Variants in A2ML1 observed in about 807,000 individuals in gnomAD.
A2ML1 encodes the protein alpha-2-macroglobulin like 1.
A2ML1 carries 161 observed loss-of-function variants against 181.9 expected under a neutral mutation model. That is an observed-to-expected ratio of 0.89 (90% CI 0.78 to 1.01). The LOEUF (loss-of-function observed/expected upper bound fraction) is 1.01. Ranked by LOEUF, A2ML1 falls within the 50% of genes least tolerant of loss-of-function variation. The pLI, the probability that A2ML1 is intolerant of heterozygous loss-of-function variation, is 0.00. For synonymous variants in A2ML1, 663 were observed against 666.8 expected, an observed-to-expected ratio of 0.99 and a Z score of 0.09; for missense variants, 1,670 against 1,768.1, an observed-to-expected ratio of 0.94 and a Z score of 1.00.
chr12:8,836,629 G>A (rs1020821757), intron 7 of A2ML1, among the ~76,000 whole-genome samples: 3 of 151,636 alleles, frequency 2.0e-5, no homozygotes, highest in Non-Finnish European at 4.4e-5. Flanking sequence ...GATCACAGGC[G>A]CGCGCCACCA....
intron 33 of A2ML1, among the ~76,000 whole-genome samples, chr12:8,872,309 G>A (rs1185749685): frequency 6.6e-6 from 1 of 151,910 alleles, no homozygotes; most frequent in Non-Finnish European, 1.5e-5. Flanking sequence ...TTGTTTCAGT[G>A]TCCCTTTATA....
At chr12:8,831,819 G>A (rs982917051) in intron 4 of A2ML1, among the ~76,000 whole-genome samples, 7 of 151,774 alleles carry the variant, frequency 4.6e-5, no homozygotes, top group South Asian at 2.1e-4. Flanking sequence ...GCGCGATCTC[G>A]GCTCGCCGCA....
intron 21 of A2ML1, among the ~76,000 whole-genome samples, chr12:8,854,553 T>A (rs187767201): frequency 6.6e-6 from 1 of 152,212 alleles, no homozygotes; most frequent in Non-Finnish European, 1.5e-5. Flanking sequence ...TCTTAGAAGT[T>A]GCCTAAATGT....
Position 8,841,385 on chromosome 12 carries a change from A to C in A2ML1, c.1097A>C (p.His366Pro). The C allele has an allele frequency of 1.2e-6, 2 of 1,614,160 alleles. No homozygotes were observed. The highest frequency in any genetic ancestry group is 1.7e-6 in the Non-Finnish European group (2 of 1,180,024). Reference protein sequence around the residue: ...PFSGKIRVRGHDDSFLKNHLV... With the variant: ...PFSGKIRVRGPDDSFLKNHLV... Reference sequence around the variant, plus strand: ...GTCCTTCAGATAAGAGTTAGGGGCCATGATGACTCCTTCCTCAAGAACCAT... The same window carrying C: ...GTCCTTCAGATAAGAGTTAGGGGCCCTGATGACTCCTTCCTCAAGAACCAT... Residue 366 changes from histidine (H) to proline (P), a missense_variant, in exon 11 of 36, where the codon CAT (histidine) becomes CCT (proline). Physicochemically the swap from His to Pro is moderately conservative, Grantham distance 77 (BLOSUM62 -2). Coordinates refer to ENST00000299698, the MANE Select transcript of A2ML1 (RefSeq NM_144670.6).
At chr12:8,840,377 A>G (rs749209112) in intron 10 of A2ML1, among the ~76,000 whole-genome samples, 5 of 151,984 alleles carry the variant, frequency 3.3e-5, no homozygotes, top group Admixed American at 1.3e-4. Flanking sequence ...AAAAAAAGAT[A>G]AATACATAAT....
intron 3 of A2ML1, among the ~76,000 whole-genome samples, chr12:8,828,015 C>T (rs1942985960): frequency 6.6e-6 from 1 of 152,208 alleles, no homozygotes; most frequent in Non-Finnish European, 1.5e-5. Flanking sequence ...ACAAGCACCC[C>T]TGTGGCCACC....
At chr12:8,827,951 C>T (rs1298954352) in intron 3 of A2ML1, among the ~76,000 whole-genome samples, 1 of 152,182 alleles carries the variant, frequency 6.6e-6, no homozygotes, top group Non-Finnish European at 1.5e-5. Flanking sequence ...TTACTTTCTC[C>T]AAAACAAACA....
chr12:8,862,011 C>T lies in A2ML1; in HGVS notation c.3502+714C>T, dbSNP rs7297803. On this transcript the variant is annotated intron_variant, in intron 28 of 35. Transcript: ENST00000299698. The stretch of plus-strand genomic sequence containing the variant: ...TTGACCTCAGGTGATCCACCTGCCT[C>T]GGCCTCCCAAAGTGCTGGGATTACA... Among the ~76,000 whole-genome samples, 27,110 of 151,970 alleles carry T rather than the reference C, an allele frequency of 0.18. 2,481 individuals are homozygous for T. Among genetic ancestry groups the T allele is most frequent in the African/African-American group, 0.22 (9,003 of 41,424 alleles).
intron 3 of A2ML1, among the ~76,000 whole-genome samples, chr12:8,825,557 T>C (rs765557810): frequency 1.1e-4 from 17 of 152,290 alleles, no homozygotes; most frequent in African/African-American, 3.6e-4. Context: ...TGTCTCTTTG[T>C]TGATTGTTTC....
At chr12:8,837,347 T>C in intron 7 of A2ML1, 93 bp from the exon 8 acceptor site, 1 of 1,520,584 alleles carries the variant, frequency 6.6e-7, no homozygotes, top group Non-Finnish European at 9.0e-7. Flanking sequence ...TTTCAGAGGC[T>C]GGAGTGTGAG....
intron 3 of A2ML1, among the ~76,000 whole-genome samples, chr12:8,827,991 G>C (rs1271704456): frequency 6.6e-6 from 1 of 152,158 alleles, no homozygotes; most frequent in Admixed American, 6.5e-5. Flanking sequence ...GAGCTGCCTG[G>C]AGAGAGGGGT....
At chr12:8,849,544 C>A in intron 16 of A2ML1, 125 bp from the exon 17 acceptor site, 1 of 782,410 alleles carries the variant, frequency 1.3e-6, no homozygotes, top group Non-Finnish European at 2.1e-6. Context: ...GTAAGAACAC[C>A]CAGGTTCACC....
downstream of A2ML1, among the ~76,000 whole-genome samples, chr12:8,877,603 C>T (rs1222796872): frequency 6.6e-6 from 1 of 152,144 alleles, no homozygotes; most frequent in Admixed American, 6.5e-5. Flanking sequence ...CATCACTAAT[C>T]ATCAGAGAAA....
At position 8,837,435 on chromosome 12, in the gene A2ML1, G is replaced by A. The variant is rs1259899609; in HGVS notation, c.729-5G>A. 2.5e-6 allele frequency: 4 copies of A among 1,613,626 alleles called. No individual in the cohort carries two copies. The highest frequency in any genetic ancestry group is 1.7e-5 in the Admixed American group (1 of 60,002). On this transcript the variant is annotated splice_region_variant and splice_polypyrimidine_tract_variant and intron_variant, in intron 7 of 35. Transcript: ENST00000299698. ...ACTCTGACTCCTTATGCTTTTCTTG[G>A]TTAGGTACACCTATGGAAAGCCCAT... is the stretch of plus-strand genomic sequence containing the variant.
At chr12:8,881,180 G>A (rs1046271615), downstream of A2ML1, among the ~76,000 whole-genome samples, 3 of 152,152 alleles carry the variant, frequency 2.0e-5, no homozygotes, top group Non-Finnish European at 4.4e-5. Context: ...TACGGGGCCT[G>A]CAAATGAAAC....
exon 8 of A2ML1, chr12:8,886,647 T>C (rs934589945): frequency 6.6e-6 from 1 of 152,200 alleles, no homozygotes; most frequent in Non-Finnish European, 1.5e-5. Context: ...TGTTAACAAC[T>C]GATAGCTACC....
chr12:8,858,315 G>T, intron 26 of A2ML1: 1 of 510,896 alleles, frequency 2.0e-6, no homozygotes, highest in East Asian at 3.3e-5. Flanking sequence ...GGGTGCAGTG[G>T]CTCATGCCTG....
At chr12:8,827,966 TTCTC>T (rs1942984157) in intron 3 of A2ML1, among the ~76,000 whole-genome samples, 2 of 152,292 alleles carry the variant, frequency 1.3e-5, no homozygotes, top group South Asian at 4.1e-4. Flanking sequence ...CAAACAGAGT[TTCTC>T]TCTTTGTGCT....
intron 31 of A2ML1, 70 bp downstream of exon 31, chr12:8,868,427 T>C: frequency 4.4e-6 from 7 of 1,587,290 alleles, no homozygotes; most frequent in Non-Finnish European, 3.4e-6. Flanking sequence ...GACACTTGTG[T>C]GTGTGTGTGT....
Sources: allele counts gnomAD v4.1 joint callset (sites outside exome capture counted in the v4.1 genomes callset), GRCh38; gene constraint gnomAD v4.1.1; transcripts MANE v1.5; gene names NCBI Gene and HGNC (gene_info 2026-07-23, HGNC 2026-07-21).